CCSER2: variants seen among roughly 807,000 people sequenced by gnomAD.
The protein encoded by CCSER2 is coiled-coil serine rich protein 2.
CCSER2 carries 46 observed loss-of-function variants against 92.3 expected under a neutral mutation model. The ratio of observed to expected loss-of-function variants is 0.50; its 90% CI spans 0.39 to 0.64. The LOEUF is 0.64. Ranked by LOEUF, CCSER2 falls within the 30% of genes least tolerant of loss-of-function variation. CCSER2 has a pLI of 0.00. For synonymous variants in CCSER2, 433 were observed against 431.4 expected (o/e 1.00, Z -0.04); for missense variants, 1,244 against 1,238.9 (o/e 1.00, Z -0.06).
At chr10:84,447,913 C>T (rs1323668285) in intron 6 of CCSER2, among the ~76,000 whole-genome samples, 1 of 152,152 alleles carries the variant, frequency 6.6e-6, no homozygotes, top group Non-Finnish European at 1.5e-5. Flanking sequence ...CTCAACCGAT[C>T]CTCCCAAGTA....
At chr10:84,377,229 C>T (rs1846387029) in intron 3 of CCSER2, among the ~76,000 whole-genome samples, 1 of 152,028 alleles carries the variant, frequency 6.6e-6, no homozygotes, top group Non-Finnish European at 1.5e-5. Flanking sequence ...TTACCGTTAC[C>T]ACTTTTTAAA....
intron 6 of CCSER2, among the ~76,000 whole-genome samples, chr10:84,440,623 C>T (rs912639232): frequency 6.6e-6 from 1 of 152,180 alleles, no homozygotes; most frequent in African/African-American, 2.4e-5. Flanking sequence ...TAATCTGGGA[C>T]TGGATCCATT....
intron 9 of CCSER2, among the ~76,000 whole-genome samples, chr10:84,486,800 A>G (rs977983044): frequency 8.5e-5 from 13 of 152,296 alleles, no homozygotes; most frequent in Middle Eastern, 6.8e-3. Flanking sequence ...TTGGTGTTTT[A>G]GACATGAAGT....
intron 9 of CCSER2, among the ~76,000 whole-genome samples, chr10:84,488,283 T>G (rs1847929908): frequency 1.3e-5 from 2 of 152,224 alleles, no homozygotes; most frequent in African/African-American, 4.8e-5. Flanking sequence ...TTCCCTCTTT[T>G]TCTATTGATT....
In CCSER2 at chr10:84,409,400, A is replaced by C. The variant is rs747239765; in HGVS notation, c.1615-8371A>C. Among the ~76,000 whole-genome samples the C allele has an allele frequency of 2.0e-5, 3 of 152,216 alleles. No individual in the cohort carries two copies. The East Asian group carries it at 5.8e-4, about 29-fold the overall frequency. On this transcript the variant is annotated intron_variant, in intron 3 of 9. Coordinates refer to ENST00000372088, the MANE Select transcript of CCSER2 (RefSeq NM_001284240.2). ...AGCGATCCTCCTGCCTCAGCCTCCC[A>C]AAGTGCTGAGAATACAGGCATTAGC...
At chr10:84,348,898 T>C (rs1181416692) in intron 1 of CCSER2, among the ~76,000 whole-genome samples, 4 of 152,172 alleles carry the variant, frequency 2.6e-5, no homozygotes, top group Admixed American at 2.0e-4. Flanking sequence ...TATGAATAGG[T>C]ATATATATGT....
intron 3 of CCSER2, among the ~76,000 whole-genome samples, chr10:84,393,263 T>C (rs1351737741): frequency 6.6e-6 from 1 of 152,222 alleles, no homozygotes; most frequent in African/African-American, 2.4e-5. Context: ...TCTTTGCCTC[T>C]GTGCTGTCAG....
intron 3 of CCSER2, among the ~76,000 whole-genome samples, chr10:84,395,462 A>G (rs1345907465): frequency 1.3e-5 from 2 of 152,182 alleles, no homozygotes; most frequent in African/African-American, 4.8e-5. Context: ...TGAATAAGTA[A>G]TTAAATATTT....
At chr10:84,414,751 G>A (rs577912325) in intron 3 of CCSER2, among the ~76,000 whole-genome samples, 1 of 152,074 alleles carries the variant, frequency 6.6e-6, no homozygotes, top group Non-Finnish European at 1.5e-5. Flanking sequence ...TCCCAAGTTG[G>A]TTCCATTCTC....
rs1454882658 is a variant in CCSER2, at chr10:84,410,857, G to T, written c.1615-6914G>T. On this transcript the variant is annotated intron_variant, in intron 3 of 9. Transcript: ENST00000372088. ...CTGTGCCTAAATCTTTACCTGAATG[G>T]TATTGCCTAGATTTTCTTCTAGGGT... Among the ~76,000 whole-genome samples, 4 of 152,114 alleles carry T rather than the reference G, an allele frequency of 2.6e-5. No individual in the cohort carries two copies. In the South Asian group the frequency reaches 6.2e-4, roughly 24 times the overall value.
chr10:84,513,456 T>G lies in CCSER2; in HGVS notation c.2333T>G (p.Val778Gly), dbSNP rs1256175925. Residue 778 changes from valine (V) to glycine (G), a missense_variant, in exon 10 of 10, where the codon GTA becomes GGA. By Grantham distance (109) the Val-to-Gly change is moderately radical. Coordinates refer to ENST00000372088, the MANE Select transcript of CCSER2 (RefSeq NM_001284240.2). ...TGTTTTTAATTTTAACAGCCTCAAG[T>G]ACTACAGCCTTCCAGCAGCCTTCCC... ...QTPWRRIPPQ[V>G]LQPSSSLPRP... 1.2e-6 allele frequency: 2 copies of G among 1,605,650 alleles called. No homozygotes were observed. The highest frequency in any genetic ancestry group is 1.7e-6 in the Non-Finnish European group (2 of 1,175,860).
At chr10:84,462,698 A>G (rs1453490714) in intron 6 of CCSER2, among the ~76,000 whole-genome samples, 3 of 152,198 alleles carry the variant, frequency 2.0e-5, no homozygotes, top group African/African-American at 4.8e-5. Context: ...TTTGGCAAAC[A>G]CTTACTCTCT....
chr10:84,498,183 A>C (rs755063527), intron 9 of CCSER2, among the ~76,000 whole-genome samples: 1 of 152,236 alleles, frequency 6.6e-6, no homozygotes, highest in Non-Finnish European at 1.5e-5. Context: ...TACAGTGGGT[A>C]GAAGCTTGGT....
chr10:84,505,619 T>A (rs1409904940), intron 9 of CCSER2, among the ~76,000 whole-genome samples: 1 of 152,178 alleles, frequency 6.6e-6, no homozygotes, highest in African/African-American at 2.4e-5. Context: ...CTAATTCAAT[T>A]TCGTGTATGC....
At chr10:84,484,193 G>C (rs2133772018) in intron 9 of CCSER2, among the ~76,000 whole-genome samples, 1 of 151,264 alleles carries the variant, frequency 6.6e-6, no homozygotes, top group Admixed American at 6.6e-5. Flanking sequence ...AGCCAGGATG[G>C]TCTCTATCTC....
intron 1 of CCSER2, among the ~76,000 whole-genome samples, chr10:84,349,568 G>A (rs1589415140): frequency 2.0e-5 from 3 of 152,126 alleles, no homozygotes; most frequent in South Asian, 4.1e-4. Context: ...TGTAGTCCCA[G>A]CTACTAGGGA....
At chr10:84,496,447 G>A (rs12411887) in intron 9 of CCSER2, among the ~76,000 whole-genome samples, 8,867 of 152,108 alleles carry the variant, frequency 0.058, 371 homozygotes, top group Admixed American at 0.1. Flanking sequence ...CACCACGCCC[G>A]GCTAATTTTT....
At chr10:84,417,161 A>C (rs375861512) in intron 3 of CCSER2, among the ~76,000 whole-genome samples, 14 of 152,344 alleles carry the variant, frequency 9.2e-5, no homozygotes, top group African/African-American at 3.4e-4. Context: ...AAAATAAAAC[A>C]CTACTTTTTT....
At chr10:84,364,257 T>C (rs1845662597) in intron 1 of CCSER2, among the ~76,000 whole-genome samples, 1 of 152,128 alleles carries the variant, frequency 6.6e-6, no homozygotes, top group South Asian at 2.1e-4. Context: ...ATGTAAAAAA[T>C]AAAGTAATTG....
Sources: allele counts gnomAD v4.1 joint callset (sites outside exome capture counted in the v4.1 genomes callset), GRCh38; gene constraint gnomAD v4.1.1; transcripts MANE v1.5; gene names NCBI Gene and HGNC (gene_info 2026-07-23, HGNC 2026-07-21).